The following LRRC9 variants were observed in gnomAD, a reference collection of about 807,000 sequenced individuals.
The protein encoded by LRRC9 is leucine rich repeat containing 9.
A neutral mutation model predicts 63.2 loss-of-function variants in LRRC9; 122 were observed. That is an observed-to-expected ratio of 1.93 (90% CI 1.67 to 2.24). The LOEUF is 2.24. Among genes scored for constraint, LRRC9 ranks in the 30% most tolerant of loss-of-function variants. The pLI is 0.00. For synonymous variants in LRRC9, 366 were observed against 213.1 expected (o/e 1.72, Z -6.25); for missense variants, 1,071 against 627.7 (o/e 1.71, Z -7.55).
chr14:60,066,324 T>C, downstream of LRRC9, among the ~76,000 whole-genome samples: 1 of 152,186 alleles, frequency 6.6e-6, no homozygotes, highest in Non-Finnish European at 1.5e-5. Context: ...GAAAAGTGTT[T>C]AATGTTTTAA....
chr14:59,989,288 C>T (rs1887805103), intron 17 of LRRC9, among the ~76,000 whole-genome samples: 1 of 151,922 alleles, frequency 6.6e-6, no homozygotes, highest in Non-Finnish European at 1.5e-5. Context: ...TCCCATTATC[C>T]ATATGTGAAA....
intron 19 of LRRC9, among the ~76,000 whole-genome samples, chr14:60,000,543 C>T (rs1297779531): frequency 6.6e-6 from 1 of 152,038 alleles, no homozygotes; most frequent in Non-Finnish European, 1.5e-5. Flanking sequence ...ACCAATGGAA[C>T]AGAATAACAA....
chr14:60,033,310 T>C (rs1369350635), intron 29 of LRRC9, among the ~76,000 whole-genome samples: 6 of 152,142 alleles, frequency 3.9e-5, no homozygotes, highest in African/African-American at 1.4e-4. Flanking sequence ...TTCCTTTGCT[T>C]CTCTTAGTGT....
At position 59,966,534 on chromosome 14, in the gene LRRC9, T is replaced by C. The variant is rs1884876435; in HGVS notation, c.1212-55T>C. On this transcript the variant is annotated intron_variant, in intron 10 of 31. Coordinates refer to ENST00000445360, the Ensembl canonical transcript of LRRC9. The surrounding 1 kb of genome is among the most constrained non-coding windows in gnomAD (Gnocchi z 4.0). ...CACGTAGTTTTCTGTTCTTAAACAT[T>C]TTAAGGAAAATCTATTATTTTCTTC... The C allele has an allele frequency of 4.0e-6, 2 of 505,250 alleles. No individual in the cohort carries two copies. The highest frequency in any genetic ancestry group is 3.3e-5 in the Admixed American group (1 of 30,702). The allele number at this position is 505,250 out of a possible 1,614,324, so 31.3% of individuals were successfully genotyped here. A position where few individuals can be genotyped will look rare whatever the true frequency, so the allele number is the denominator to read the frequency against.
exon 15 of LRRC9, chr14:59,978,130 A>G (rs1886513657): frequency 2.9e-6 from 2 of 701,362 alleles, no homozygotes; most frequent in South Asian, 3.0e-5. Context: ...GTATATTACA[A>G]TGGTATGAAT....
At chr14:59,977,159 A>C (rs1886381096) in intron 13 of LRRC9, 66 bp from the exon 14 acceptor site, 2 of 622,638 alleles carry the variant, frequency 3.2e-6, no homozygotes, top group African/African-American at 3.7e-5. Flanking sequence ...CCAATAAAGA[A>C]GGTTATGTTG....
At chr14:59,965,507 A>T (rs1441185154) in intron 10 of LRRC9, among the ~76,000 whole-genome samples, 1 of 152,094 alleles carries the variant, frequency 6.6e-6, no homozygotes, top group East Asian at 1.9e-4. Flanking sequence ...GGTGATTTGG[A>T]TTAGGATGGT....
intron 23 of LRRC9, among the ~76,000 whole-genome samples, chr14:60,013,246 G>C (rs569150371): frequency 6.6e-6 from 1 of 151,878 alleles, no homozygotes; most frequent in Non-Finnish European, 1.5e-5. Context: ...AGATATCAAG[G>C]AATATTTAAT....
At chr14:60,021,774 T>C (rs1345140233) in intron 26 of LRRC9, among the ~76,000 whole-genome samples, 1 of 151,850 alleles carries the variant, frequency 6.6e-6, no homozygotes, top group Non-Finnish European at 1.5e-5. Flanking sequence ...TTTGGCACCT[T>C]TGCTAAAAAT....
chr14:60,027,674 T>C lies in LRRC9; in HGVS notation c.3704-210T>C, dbSNP rs1258965897. On this transcript the variant is annotated intron_variant, in intron 27 of 31. Coordinates refer to ENST00000445360, the Ensembl canonical transcript of LRRC9. The surrounding 1 kb of genome is among the most constrained non-coding windows in gnomAD (Gnocchi z 4.0). ...GTACATCACATCCTGATCTTTCAAATTCACAAATGAGAAATTTTAGCAAAT... is the reference window on the plus strand; with the variant it reads ...GTACATCACATCCTGATCTTTCAAACTCACAAATGAGAAATTTTAGCAAAT... 6.6e-6 allele frequency among the ~76,000 whole-genome samples: 1 copy of C among 152,094 alleles called. No individual in the cohort carries two copies. Among genetic ancestry groups the C allele is most frequent in the Non-Finnish European group, 1.5e-5 (1 of 68,000 alleles).
intron 17 of LRRC9, among the ~76,000 whole-genome samples, chr14:59,995,152 T>C (rs1012760572): frequency 6.6e-6 from 1 of 152,162 alleles, no homozygotes; most frequent in Non-Finnish European, 1.5e-5. Context: ...ATACATCATA[T>C]AGTTGTATGG....
At position 59,927,764 on chromosome 14, in the gene LRRC9, C is replaced by G; in HGVS notation, c.-33-147C>G. On this transcript the variant is annotated intron_variant, in intron 1 of 31. Transcript: ENST00000445360. This position sits in a 1 kb window ranked among gnomAD's most constrained non-coding sequence, Gnocchi z 4.4. ...ATAACCTCCTAACAGAAAACTCCCT[C>G]AGAGTTTATACAGATACTTGGTAAT... 1.6e-5 allele frequency: 6 copies of G among 365,474 alleles called. No individual in the cohort carries two copies. Among genetic ancestry groups the G allele is most frequent in the Non-Finnish European group, 2.0e-5 (4 of 204,860 alleles). 22.6% of individuals were successfully genotyped at this position (365,474 alleles called of 1,614,324 possible).
intron 7 of LRRC9, among the ~76,000 whole-genome samples, chr14:59,940,810 A>G (rs1881678442): frequency 6.6e-6 from 1 of 152,122 alleles, no homozygotes; most frequent in African/African-American, 2.4e-5. Flanking sequence ...AAGGGATCAA[A>G]TTTTGTCTTA....
At position 60,022,188 on chromosome 14, in the gene LRRC9, T is replaced by C. The variant is rs555170503; in HGVS notation, c.3567-546T>C. On this transcript the variant is annotated intron_variant, in intron 26 of 31. Transcript: ENST00000445360. ...TTCTCTCAGTAATGTTTTGTAGTTC[T>C]CTGTGTACAGATTTTCCACTTTTTA... is the stretch of plus-strand genomic sequence containing the variant. Among the ~76,000 whole-genome samples the C allele has an allele frequency of 3.3e-5, 5 of 151,974 alleles. No homozygotes were observed. The East Asian group carries it at 9.7e-4, about 29-fold the overall frequency.
chr14:59,934,398 C>T (rs972086617), intron 6 of LRRC9, among the ~76,000 whole-genome samples: 1 of 152,064 alleles, frequency 6.6e-6, no homozygotes, highest in Admixed American at 6.6e-5. Context: ...CCAGTGGGGC[C>T]ATCCAGGTAA....
In LRRC9 at chr14:60,060,609, C is replaced by T. The variant is rs142699262; in HGVS notation, c.4276+2587C>T. 0.025 allele frequency among the ~76,000 whole-genome samples: 3,819 copies of T among 152,018 alleles called. 115 individuals carry two copies. Among genetic ancestry groups the T allele is most frequent in the African/African-American group, 0.079 (3,270 of 41,440 alleles). ...CAAAAAAATTAGCTGGGCATGGTGG[C>T]GGGCGCCTGTAGTCCCAGCTACTCG... On this transcript the variant is annotated intron_variant, in intron 31 of 31. Coordinates refer to ENST00000445360, the Ensembl canonical transcript of LRRC9. The surrounding 1 kb of genome is among the most constrained non-coding windows in gnomAD (Gnocchi z 4.0).
Position 59,922,247 on chromosome 14 carries a change from A to G in LRRC9, c.-34+2364A>G, listed in dbSNP as rs1444793329. On this transcript the variant is annotated intron_variant, in intron 1 of 31. Transcript: ENST00000445360. The surrounding 1 kb of genome is among the most constrained non-coding windows in gnomAD (Gnocchi z 5.3). ...ATTGTCAAATGCCATGTCAAGGTCA[A>G]GTTGAGAATCAAAACATGTCCGCTG... Among the ~76,000 whole-genome samples the G allele has an allele frequency of 1.3e-5, 2 of 152,218 alleles. No individual in the cohort carries two copies. The highest frequency in any genetic ancestry group is 6.5e-5 in the Admixed American group (1 of 15,280).
chr14:60,034,157 A>G (rs1196500852), intron 29 of LRRC9, among the ~76,000 whole-genome samples: 1 of 150,568 alleles, frequency 6.6e-6, no homozygotes, highest in Non-Finnish European at 1.5e-5. Context: ...AGCTGAGACT[A>G]CAGACGCGTG....
intron 23 of LRRC9, among the ~76,000 whole-genome samples, chr14:60,015,294 G>A (rs892102408): frequency 8.6e-5 from 13 of 152,036 alleles, no homozygotes; most frequent in Admixed American, 2.6e-4. Flanking sequence ...GTTGGCATCC[G>A]TTGATCGTCT....
Sources: gnomAD v4.1 joint callset for allele counts (sites outside exome capture counted in the v4.1 genomes callset) on GRCh38, gnomAD v4.1.1 for gene constraint, Gnocchi (gnomAD v3.1) non-coding constraint, MANE v1.5 for transcripts, NCBI Gene and HGNC (gene_info 2026-07-23, HGNC 2026-07-21) for gene names.